RANBP17: variants seen among roughly 807,000 people sequenced by gnomAD.
The protein encoded by RANBP17 is RAN binding protein 17.
A neutral mutation model predicts 141.2 loss-of-function variants in RANBP17; 158 were observed. The ratio of observed to expected loss-of-function variants is 1.12; its 90% CI spans 0.98 to 1.28. The LOEUF (loss-of-function observed/expected upper bound fraction) is 1.28, where lower values mean the gene tolerates loss of function less well. RANBP17 is among the 50% of genes most tolerant of loss of function. The pLI is 0.00. For missense variants in RANBP17, 1,438 were observed against 1,290.7 expected, an observed-to-expected ratio of 1.11 and a Z score of -1.75; for synonymous variants, 430 against 450.0, an observed-to-expected ratio of 0.96 and a Z score of 0.56.
At chr5:171,084,344 C>T (rs1459634375) in intron 14 of RANBP17, among the ~76,000 whole-genome samples, 1 of 142,528 alleles carries the variant, frequency 7.0e-6, no homozygotes, top group African/African-American at 2.6e-5. Context: ...GCCACATTTT[C>T]TTAATCCAGT....
chr5:171,087,833 C>T (rs1388967177), intron 14 of RANBP17, among the ~76,000 whole-genome samples: 1 of 150,578 alleles, frequency 6.6e-6, no homozygotes, highest in Non-Finnish European at 1.5e-5. Context: ...CTTCCTCCAT[C>T]CTTTTATTTT....
At chr5:170,870,194 T>C (rs1767601455) in intron 1 of RANBP17, among the ~76,000 whole-genome samples, 2 of 152,190 alleles carry the variant, frequency 1.3e-5, no homozygotes, top group Non-Finnish European at 2.9e-5. Context: ...CCTTTTTATT[T>C]TCATATATAA....
chr5:171,043,347 G>C (rs1009248288), intron 14 of RANBP17, among the ~76,000 whole-genome samples: 1 of 152,078 alleles, frequency 6.6e-6, no homozygotes, highest in Admixed American at 6.6e-5. Context: ...GGCTCAGACT[G>C]AAATGAGGAT....
intron 14 of RANBP17, among the ~76,000 whole-genome samples, chr5:171,089,073 T>A (rs1386931115): frequency 5.9e-5 from 9 of 151,866 alleles, no homozygotes; most frequent in Non-Finnish European, 8.8e-5. Context: ...TCTGCTCTGT[T>A]TTTTCCCCAT....
At chr5:171,164,524 T>A (rs1470900687) in intron 14 of RANBP17, among the ~76,000 whole-genome samples, 1 of 152,214 alleles carries the variant, frequency 6.6e-6, no homozygotes, top group Non-Finnish European at 1.5e-5. Flanking sequence ...GTTGAGAATT[T>A]GGAGAATGTA....
At chr5:171,065,298 G>T (rs188345625) in intron 14 of RANBP17, among the ~76,000 whole-genome samples, 36 of 152,088 alleles carry the variant, frequency 2.4e-4, no homozygotes, top group African/African-American at 7.5e-4. Flanking sequence ...TCCACAGAAT[G>T]GGGGGGTGGG....
At chr5:170,958,434 TTGG>T (rs141317722) in intron 13 of RANBP17, among the ~76,000 whole-genome samples, 4,020 of 152,022 alleles carry the variant, frequency 0.026, 171 homozygotes, top group African/African-American at 0.091. Context: ...GATAGTGTGG[TTGG>T]TGGGTGTGCA....
chr5:171,136,393 G>A (rs903659937), intron 14 of RANBP17, among the ~76,000 whole-genome samples: 2 of 151,762 alleles, frequency 1.3e-5, no homozygotes, highest in African/African-American at 2.4e-5. Flanking sequence ...CATTTTACTC[G>A]GATTTTCTCA....
chr5:171,209,685 A>G (rs890945567), intron 20 of RANBP17, among the ~76,000 whole-genome samples: 2 of 152,216 alleles, frequency 1.3e-5, no homozygotes, highest in African/African-American at 2.4e-5. Context: ...TTTGCAAGAT[A>G]TAGAAAGCTT....
intron 14 of RANBP17, among the ~76,000 whole-genome samples, chr5:171,041,525 T>G (rs560701395): frequency 1.3e-5 from 2 of 152,128 alleles, no homozygotes; most frequent in African/African-American, 4.8e-5. Context: ...TTAGGCAATT[T>G]TGTTGTTGTG....
chr5:171,273,722 C>A (rs1186593157), intron 25 of RANBP17, among the ~76,000 whole-genome samples: 1 of 152,098 alleles, frequency 6.6e-6, no homozygotes, highest in Non-Finnish European at 1.5e-5. Flanking sequence ...AATTTCAGAA[C>A]TAAGATCTCC....
intron 18 of RANBP17, among the ~76,000 whole-genome samples, chr5:171,183,657 A>G (rs1761025037): frequency 6.6e-6 from 1 of 152,186 alleles, no homozygotes; most frequent in South Asian, 2.1e-4. Context: ...ACTTGCACTG[A>G]TTTTTTACCT....
intron 24 of RANBP17, chr5:171,252,003 G>T: frequency 6.2e-7 from 1 of 1,609,044 alleles, no homozygotes; most frequent in South Asian, 1.1e-5. Flanking sequence ...GTCCATTTCG[G>T]GAAACAGTTC....
At position 171,185,240 on chromosome 5, in the gene RANBP17, A is replaced by G. The variant is rs112838530; in HGVS notation, c.2038+1810A>G. 4.2e-3 allele frequency among the ~76,000 whole-genome samples: 647 copies of G among 152,338 alleles called. 5 individuals are homozygous for G. Among genetic ancestry groups the G allele is most frequent in the African/African-American group, 0.015 (618 of 41,578 alleles). Reference sequence around the variant, plus strand: ...ACATCTGAGCTTTCAGTGTGTTGTAATCTTTTTCCTGGTGGAAGGTCTGGC... The same window carrying G: ...ACATCTGAGCTTTCAGTGTGTTGTAGTCTTTTTCCTGGTGGAAGGTCTGGC... On this transcript the variant is annotated intron_variant, in intron 18 of 27. Transcript: ENST00000523189.
chr5:170,968,118 TA>T (rs1172970055), intron 13 of RANBP17, 123 bp from the exon 14 acceptor site: 36 of 642,012 alleles, frequency 5.6e-5, no homozygotes, highest in Non-Finnish European at 7.6e-5. Flanking sequence ...ATTTTCTTTA[TA>T]TTTTTTTATT....
chr5:171,282,189 T>C (rs1767899284), intron 25 of RANBP17, among the ~76,000 whole-genome samples: 1 of 152,208 alleles, frequency 6.6e-6, no homozygotes, highest in African/African-American at 2.4e-5. Flanking sequence ...ACTATTGGCA[T>C]AATGGAATAA....
chr5:171,257,354 T>C (rs1015862719), intron 24 of RANBP17, among the ~76,000 whole-genome samples: 1 of 152,138 alleles, frequency 6.6e-6, no homozygotes, highest in African/African-American at 2.4e-5. Context: ...TTTGATAAAA[T>C]CCAGCATCCT....
At chr5:171,125,189 C>T (rs539302113) in intron 14 of RANBP17, among the ~76,000 whole-genome samples, 2 of 149,162 alleles carry the variant, frequency 1.3e-5, no homozygotes, top group East Asian at 2.0e-4. Context: ...CCCACCTACT[C>T]GGGAGGCTGA....
intron 14 of RANBP17, among the ~76,000 whole-genome samples, chr5:171,137,278 C>G (rs1289425754): frequency 2.0e-5 from 3 of 152,020 alleles, no homozygotes; most frequent in Non-Finnish European, 4.4e-5. Context: ...CCAGACATAC[C>G]TATTTTGATA....
Sources: gnomAD v4.1 joint callset for allele counts (sites outside exome capture counted in the v4.1 genomes callset) on GRCh38, gnomAD v4.1.1 for gene constraint, MANE v1.5 for transcripts, NCBI Gene and HGNC (gene_info 2026-07-23, HGNC 2026-07-21) for gene names.